Variants in HSD17B12 observed in about 807,000 individuals in gnomAD.
The protein encoded by HSD17B12 is hydroxysteroid 17-beta dehydrogenase 12, also known as very-long-chain 3-oxoacyl-CoA reductase.
HSD17B12 carries 32 observed loss-of-function variants against 39.3 expected under a neutral mutation model. That is an observed-to-expected ratio of 0.81 (90% CI 0.61 to 1.09). The LOEUF is 1.09. Ranked by LOEUF, HSD17B12 falls within the 50% of genes least tolerant of loss-of-function variation. The probability of loss-of-function intolerance (pLI) is 0.00; values close to 1 mark genes in which losing one functional copy is unlikely to be tolerated. For synonymous variants in HSD17B12, 150 were observed against 146.7 expected (o/e 1.02, Z -0.16); for missense variants, 342 against 382.9 (o/e 0.89, Z 0.89).
the HSD17B12 span, among the ~76,000 whole-genome samples, chr11:43,558,874 T>C: frequency 9.9e-5 from 15 of 152,130 alleles, no homozygotes; most frequent in African/African-American, 3.6e-4. Context: ...AGCATGCTAT[T>C]GCCACCCCCC....
chr11:43,674,147 G>A, the HSD17B12 span, among the ~76,000 whole-genome samples: 3 of 152,146 alleles, frequency 2.0e-5, no homozygotes, highest in African/African-American at 7.2e-5. Context: ...GAGTTTTATC[G>A]TATTGCCTCT....
chr11:43,758,282 G>A (rs1393525157), intron 3 of HSD17B12, among the ~76,000 whole-genome samples: 1 of 152,144 alleles, frequency 6.6e-6, no homozygotes, highest in South Asian at 2.1e-4. Flanking sequence ...TGCCCTTACT[G>A]TTGTGGTGGG....
chr11:43,633,780 GAA>G, the HSD17B12 span, among the ~76,000 whole-genome samples: 2 of 151,682 alleles, frequency 1.3e-5, no homozygotes, highest in Non-Finnish European at 2.9e-5. Context: ...ATCAGTTTTT[GAA>G]AGACAAATGT....
intron 6 of HSD17B12, among the ~76,000 whole-genome samples, chr11:43,828,268 A>G (rs1050649664): frequency 3.4e-5 from 5 of 145,588 alleles, no homozygotes; most frequent in Admixed American, 7.0e-5. Context: ...TCAGCCTCCC[A>G]AGTAGCTGGG....
chr11:43,610,995 G>A, the HSD17B12 span, among the ~76,000 whole-genome samples: 2 of 152,300 alleles, frequency 1.3e-5, no homozygotes, highest in East Asian at 3.9e-4. Flanking sequence ...CATTAGGGAA[G>A]TCCAATGTTC....
the HSD17B12 span, among the ~76,000 whole-genome samples, chr11:43,558,815 T>G: frequency 6.6e-6 from 1 of 152,080 alleles, no homozygotes; most frequent in African/African-American, 2.4e-5. Flanking sequence ...GGGAATCGTT[T>G]TCAGCAGGGA....
At chr11:43,799,653 G>T (rs1950947682) in intron 4 of HSD17B12, among the ~76,000 whole-genome samples, 1 of 152,024 alleles carries the variant, frequency 6.6e-6, no homozygotes, top group Non-Finnish European at 1.5e-5. Context: ...CCAACTAATT[G>T]TCATTGTTTG....
In HSD17B12 at chr11:43,774,023, A is replaced by G. The variant is rs1590287776; in HGVS notation, c.283+19902A>G. Among the ~76,000 whole-genome samples, 6 of 152,268 alleles carry G rather than the reference A, an allele frequency of 3.9e-5. No individual in the cohort carries two copies. The South Asian group carries it at 1.2e-3, about 32-fold the overall frequency. On this transcript the variant is annotated intron_variant, in intron 3 of 10. Coordinates refer to ENST00000278353, the MANE Select transcript of HSD17B12 (RefSeq NM_016142.3). ...GGTAGATCCTAGGTCACATATGTGT[A>G]TGCTTATAGAAACCAGGCTGGTGAT... is the stretch of plus-strand genomic sequence containing the variant.
At chr11:43,731,848 A>C (rs1294492765) in intron 1 of HSD17B12, among the ~76,000 whole-genome samples, 1 of 152,124 alleles carries the variant, frequency 6.6e-6, no homozygotes, top group Non-Finnish European at 1.5e-5. Flanking sequence ...TTTCCATGGC[A>C]TGGAACCCGT....
chr11:43,676,873 A>G (rs1023584622), upstream of HSD17B12, among the ~76,000 whole-genome samples: 2 of 152,180 alleles, frequency 1.3e-5, no homozygotes, highest in Non-Finnish European at 2.9e-5. Context: ...CCCTATTCTA[A>G]GGAGAATGGG....
the HSD17B12 span, among the ~76,000 whole-genome samples, chr11:43,604,099 G>A: frequency 2.0e-5 from 3 of 151,932 alleles, no homozygotes; most frequent in African/African-American, 7.3e-5. Context: ...TCAACTACAT[G>A]GTTCATTCTT....
In HSD17B12 at chr11:43,840,064, G is replaced by T. The variant is rs1416760429; in HGVS notation, c.684G>T (p.Gln228His). 1 of 1,610,722 alleles carries T rather than the reference G, an allele frequency of 6.2e-7. No individual in the cohort carries two copies. Among genetic ancestry groups the T allele is most frequent in the Non-Finnish European group, 8.5e-7 (1 of 1,178,318 alleles). Residue 228 changes from glutamine to histidine, a missense_variant and splice_region_variant, in exon 9 of 11, where the codon CAG (glutamine) becomes CAT (histidine). Gln to His is a conservative substitution (Grantham distance 24). Transcript: ENST00000278353. ...ATAGGAGCAAGGGCGTCTTTGTGCA[G>T]GTGAGTGGAGTTTGTTTCACTTAAG... ...EEYRSKGVFV[Q>H]SVLPYFVATK... is the part of the protein sequence containing the mutation.
the HSD17B12 span, among the ~76,000 whole-genome samples, chr11:43,634,164 G>T: frequency 0.034 from 4,871 of 143,386 alleles, 274 homozygotes; most frequent in African/African-American, 0.12. Context: ...TTAAAAACAG[G>T]TAATTTGCAG....
At chr11:43,844,581 G>A (rs1951457706) in intron 9 of HSD17B12, among the ~76,000 whole-genome samples, 1 of 151,654 alleles carries the variant, frequency 6.6e-6, no homozygotes, top group African/African-American at 2.4e-5. Context: ...AAAGACACTT[G>A]TGTCTTTCAA....
intron 3 of HSD17B12, among the ~76,000 whole-genome samples, chr11:43,766,439 T>A (rs1396273443): frequency 6.6e-6 from 1 of 152,192 alleles, no homozygotes. Context: ...TCCATTTTTG[T>A]TCAGGCTGGT....
At chr11:43,734,458 C>A in intron 1 of HSD17B12, 1 of 702,936 alleles carries the variant, frequency 1.4e-6, no homozygotes, top group Non-Finnish European at 2.6e-6. Context: ...ACAGCCTGAT[C>A]GAGCTGTGTA....
chr11:43,694,913 A>T (rs907420453), intron 1 of HSD17B12, among the ~76,000 whole-genome samples: 4 of 151,916 alleles, frequency 2.6e-5, no homozygotes, highest in Non-Finnish European at 5.9e-5. Context: ...GGTGGCTGAC[A>T]CCTGTAACCC....
chr11:43,611,629 C>T, the HSD17B12 span, among the ~76,000 whole-genome samples: 1 of 152,228 alleles, frequency 6.6e-6, no homozygotes, highest in Non-Finnish European at 1.5e-5. Context: ...ATATAGATCT[C>T]CCCAGCAACC....
chr11:43,817,034 C>CTATATATA (rs1190622271), intron 6 of HSD17B12, among the ~76,000 whole-genome samples: 1 of 17,540 alleles, frequency 5.7e-5, no homozygotes, highest in Non-Finnish European at 1.6e-4. Context: ...ATATCTATAT[C>CTATATATA]TATATCTATA....
Sources: gnomAD v4.1 joint callset for allele counts (sites outside exome capture counted in the v4.1 genomes callset) on GRCh38, gnomAD v4.1.1 for gene constraint, MANE v1.5 for transcripts, NCBI Gene and HGNC (gene_info 2026-07-23, HGNC 2026-07-21) for gene names.